PARP16: variants seen among roughly 807,000 people sequenced by gnomAD.
PARP16 encodes the protein protein mono-ADP-ribosyltransferase PARP16.
PARP16 carries 31 observed loss-of-function variants against 35.0 expected under a neutral mutation model. That is an observed-to-expected ratio of 0.88 (90% confidence interval 0.66 to 1.19). PARP16 has a LOEUF of 1.19. Among genes scored for constraint, PARP16 ranks in the 50% most tolerant of loss-of-function variants. PARP16 has a pLI of 0.00. For missense variants in PARP16, 424 were observed against 411.2 expected, an observed-to-expected ratio of 1.03 and a Z score of -0.27; for synonymous variants, 162 against 169.5, an observed-to-expected ratio of 0.96 and a Z score of 0.34.
chr15:65,240,363 T>TGTGTGTGTGTGTGTGTGTGTG (rs2089035686), intron 3 of PARP16, among the ~76,000 whole-genome samples: 9 of 142,682 alleles, frequency 6.3e-5, no homozygotes, highest in African/African-American at 2.4e-4. Context: ...TGTGTGTGTG[T>TGTGTGTGTGTGTGTGTGTGTG]TGGGATTACA....
At chr15:65,267,994 TC>T (rs1370739937) in intron 2 of PARP16, among the ~76,000 whole-genome samples, 1 of 151,994 alleles carries the variant, frequency 6.6e-6, no homozygotes, top group Non-Finnish European at 1.5e-5. Flanking sequence ...CCCGGCCACT[TC>T]CTAACACTTT....
chr15:65,279,396 G>C lies in PARP16; in HGVS notation c.174+6857C>G, dbSNP rs139989810. 3.5e-3 allele frequency among the ~76,000 whole-genome samples: 540 copies of C among 152,168 alleles called. 5 individuals are homozygous for C. Among genetic ancestry groups the C allele is most frequent in the African/African-American group, 0.012 (499 of 41,512 alleles). On this transcript the variant is annotated intron_variant, in intron 1 of 5. Coordinates refer to ENST00000649807, the MANE Select transcript of PARP16 (RefSeq NM_001316943.2). ...TGCTGAGGAAAGGTCTGCATTTCTG[G>C]GATCGTTGGAAGGAAAGAGATGGCT...
chr15:65,268,632 A>G (rs1567028867), intron 2 of PARP16, among the ~76,000 whole-genome samples: 1 of 152,228 alleles, frequency 6.6e-6, no homozygotes, highest in Non-Finnish European at 1.5e-5. Flanking sequence ...TTTCATAGAC[A>G]GAGGGTCTTG....
At chr15:65,275,310 G>C (rs1369838821) in intron 1 of PARP16, among the ~76,000 whole-genome samples, 1 of 152,160 alleles carries the variant, frequency 6.6e-6, no homozygotes, top group Non-Finnish European at 1.5e-5. Context: ...TGTAGCTGGG[G>C]AAGTGGGTGG....
At chr15:65,285,746 C>A (rs1839315068) in intron 1 of PARP16, among the ~76,000 whole-genome samples, 1 of 152,008 alleles carries the variant, frequency 6.6e-6, no homozygotes, top group Non-Finnish European at 1.5e-5. Flanking sequence ...GTGAACTCTG[C>A]AAAAAAAGTG....
intron 1 of PARP16, among the ~76,000 whole-genome samples, chr15:65,284,568 C>T (rs1318005437): frequency 4.6e-5 from 7 of 151,784 alleles, no homozygotes; most frequent in African/African-American, 1.7e-4. Context: ...CCTCGTGATC[C>T]ACCCGCCTCA....
chr15:65,263,608 C>G, intron 3 of PARP16, among the ~76,000 whole-genome samples: 1 of 152,194 alleles, frequency 6.6e-6, no homozygotes, highest in Non-Finnish European at 1.5e-5. Context: ...TAGGTATAAG[C>G]ATCCAAACCA....
chr15:65,268,321 G>A (rs1380139473), intron 2 of PARP16, among the ~76,000 whole-genome samples: 4 of 152,204 alleles, frequency 2.6e-5, no homozygotes, highest in African/African-American at 9.6e-5. Context: ...CACAGAGGAA[G>A]GCTTCCAGCA....
At chr15:65,284,776 C>G (rs1023303855) in intron 1 of PARP16, among the ~76,000 whole-genome samples, 3 of 135,302 alleles carry the variant, frequency 2.2e-5, no homozygotes, top group African/African-American at 8.1e-5. Context: ...CCAGAGTTTT[C>G]TTTGAGGGAA....
At chr15:65,251,588 A>C (rs1329158180) in intron 2 of PARP16, among the ~76,000 whole-genome samples, 1 of 147,444 alleles carries the variant, frequency 6.8e-6, no homozygotes, top group Non-Finnish European at 1.5e-5. Flanking sequence ...CTGAAAATGC[A>C]AGTCTCTTTC....
At chr15:65,241,274 G>C (rs1206183262) in intron 3 of PARP16, among the ~76,000 whole-genome samples, 1 of 151,668 alleles carries the variant, frequency 6.6e-6, no homozygotes, top group Non-Finnish European at 1.5e-5. Flanking sequence ...CCAAGTAGCT[G>C]GGGTTACAGG....
chr15:65,243,364 C>T (rs1468254598), intron 3 of PARP16, among the ~76,000 whole-genome samples: 2 of 152,118 alleles, frequency 1.3e-5, no homozygotes, highest in South Asian at 2.1e-4. Context: ...GGTCCTCCTG[C>T]CTCAGCCTCC....
At position 65,261,035 on chromosome 15, in the gene PARP16, G is replaced by A. The variant is rs767861788; in HGVS notation, c.692-9C>T. ...ATCTATCTCCTTGGAATCTGAATAA[G>A]GAGAGTAAAACACATCTTCACTGGG... On this transcript the variant is annotated splice_polypyrimidine_tract_variant and intron_variant, in intron 4 of 5. Transcript: ENST00000649807. 3.1e-6 allele frequency: 5 copies of A among 1,612,452 alleles called. No individual in the cohort carries two copies. Among genetic ancestry groups the A allele is most frequent in the African/African-American group, 2.7e-5 (2 of 74,974 alleles).
At chr15:65,249,916 A>C (rs2140771324) in intron 2 of PARP16, among the ~76,000 whole-genome samples, 1 of 152,248 alleles carries the variant, frequency 6.6e-6, no homozygotes, top group East Asian at 1.9e-4. Flanking sequence ...GGGACTTCCC[A>C]TGGTTTCCAC....
chr15:65,240,466 GC>G (rs1476610431), intron 3 of PARP16, among the ~76,000 whole-genome samples: 1 of 151,684 alleles, frequency 6.6e-6, no homozygotes, highest in Non-Finnish European at 1.5e-5. Flanking sequence ...TCAATCAATC[GC>G]CCACCTCAGC....
chr15:65,253,683 T>A (rs2089421744), downstream of PARP16, among the ~76,000 whole-genome samples: 1 of 152,082 alleles, frequency 6.6e-6, no homozygotes, highest in African/African-American at 2.4e-5. Context: ...GATAGGGAAG[T>A]TTCTTGTATC....
At chr15:65,270,856 T>TCA in intron 2 of PARP16, 79 bp downstream of exon 2, 1 of 1,403,284 alleles carries the variant, frequency 7.1e-7, no homozygotes, top group Admixed American at 1.8e-5. Context: ...CACAGGGAAG[T>TCA]CTCAGAGCCA....
At chr15:65,269,896 G>A (rs1307921991) in intron 2 of PARP16, among the ~76,000 whole-genome samples, 1 of 152,068 alleles carries the variant, frequency 6.6e-6, no homozygotes, top group Non-Finnish European at 1.5e-5. Context: ...ATAAATGAAT[G>A]AATAAATTTG....
chr15:65,286,151 G>T, intron 1 of PARP16, 102 bp downstream of exon 1: 2 of 954,272 alleles, frequency 2.1e-6, no homozygotes, highest in Non-Finnish European at 3.0e-6. Flanking sequence ...AAGTCTGGCG[G>T]CTGTCATGTT....
Sources: gnomAD v4.1 joint callset for allele counts (sites outside exome capture counted in the v4.1 genomes callset) on GRCh38, gnomAD v4.1.1 for gene constraint, MANE v1.5 for transcripts, NCBI Gene and HGNC (gene_info 2026-07-23, HGNC 2026-07-21) for gene names.